Variants in PKN2 observed in about 807,000 individuals in gnomAD.
The protein encoded by PKN2 is protein kinase N2.
A neutral mutation model predicts 119.1 loss-of-function variants in PKN2; 38 were observed. The ratio of observed to expected loss-of-function variants is 0.32; its 90% CI spans 0.25 to 0.42. The LOEUF (loss-of-function observed/expected upper bound fraction) is 0.42, where lower values mean the gene tolerates loss of function less well. Ranked by LOEUF, PKN2 falls within the 10% of genes least tolerant of loss-of-function variation. The pLI, the probability that PKN2 is intolerant of heterozygous loss-of-function variation, is 1.00. For missense variants in PKN2, 850 were observed against 1,165.1 expected (o/e 0.73, Z 3.94); for synonymous variants, 390 against 384.9 (o/e 1.01, Z -0.15).
At chr1:88,768,044 T>TA (rs201168328) in intron 3 of PKN2, among the ~76,000 whole-genome samples, 9,476 of 152,262 alleles carry the variant, frequency 0.062, no homozygotes, top group African/African-American at 0.16. Context: ...GCTTAAATAA[T>TA]ATGCAAAGCT....
chr1:88,788,885 C>T (rs1356017872), intron 8 of PKN2, among the ~76,000 whole-genome samples: 2 of 152,166 alleles, frequency 1.3e-5, no homozygotes, highest in Non-Finnish European at 2.9e-5. Context: ...TTATAAAAAG[C>T]TTAATGAAGC....
At chr1:88,831,355 T>C (rs1672727702) in intron 19 of PKN2, among the ~76,000 whole-genome samples, 2 of 151,624 alleles carry the variant, frequency 1.3e-5, no homozygotes, top group African/African-American at 4.8e-5. Context: ...ACCAAAGTGC[T>C]GTCTTTGTAT....
intron 8 of PKN2, among the ~76,000 whole-genome samples, chr1:88,799,854 ACT>A (rs1671237708): frequency 6.6e-6 from 1 of 151,946 alleles, no homozygotes; most frequent in Admixed American, 6.6e-5. Flanking sequence ...CTTTAGTTAA[ACT>A]CTTTCAGTGT....
At chr1:88,718,314 C>T (rs1161614208) in intron 1 of PKN2, among the ~76,000 whole-genome samples, 1 of 152,206 alleles carries the variant, frequency 6.6e-6, no homozygotes, top group East Asian at 1.9e-4. Flanking sequence ...TCTCAGATCT[C>T]AAACTCCGTC....
rs9661883 is a variant in PKN2 at position 88,716,701 on chromosome 1, A to G, written c.49-24287A>G. ...GCCTATGTGTGTCTCTGTACATGAG[A>G]TGGGTCTCCTGAATACAGCACACTG... On this transcript the variant is annotated intron_variant, in intron 1 of 21. Transcript: ENST00000370521. 5.0e-3 allele frequency among the ~76,000 whole-genome samples: 764 copies of G among 151,944 alleles called. 2 individuals carry two copies. The highest frequency in any genetic ancestry group is 0.017 in the African/African-American group (719 of 41,408).
At position 88,807,796 on chromosome 1, in the gene PKN2, T is replaced by C. The variant is rs368735223; in HGVS notation, c.2102+21T>C. The stretch of plus-strand genomic sequence containing the variant: ...GACAGGTTAGTTTTTAAAAATGAAA[T>C]TGTTTATTTTTCTGAATTTGTAAGT... On this transcript the variant is annotated intron_variant, in intron 15 of 21. Transcript: ENST00000370521. 4.4e-6 allele frequency: 6 copies of C among 1,370,414 alleles called. No individual in the cohort carries two copies. The Admixed American group carries it at 8.4e-5, about 19-fold the overall frequency. The allele number at this position is 1,370,414 out of a possible 1,614,324, so 84.9% of individuals were successfully genotyped here.
In PKN2 at chr1:88,817,841, A is replaced by G. The variant is rs764487540; in HGVS notation, c.2280-4100A>G. 1.4e-4 allele frequency among the ~76,000 whole-genome samples: 21 copies of G among 152,176 alleles called. 1 individual carries two copies. The highest frequency in any genetic ancestry group is 1.1e-3 in the Admixed American group (17 of 15,278). On this transcript the variant is annotated intron_variant, in intron 16 of 21. Coordinates refer to ENST00000370521, the MANE Select transcript of PKN2 (RefSeq NM_006256.4). ...GCTATTTATGACAAACCCACAGCCA[A>G]TATTCAACATAGTATTGGAAGTTCT...
rs34210018 is a variant in PKN2, at chr1:88,751,377, T to TACAC, written c.350-8822_350-8819dup. ...TATACATACATTATATATTTACACA[T>TACAC]ACACACACACACACACACACACACA... On this transcript the variant is annotated intron_variant, in intron 2 of 21. Coordinates refer to ENST00000370521, the MANE Select transcript of PKN2 (RefSeq NM_006256.4). Among the ~76,000 whole-genome samples, 644 of 146,664 alleles carry TACAC rather than the reference T, an allele frequency of 4.4e-3. 3 individuals are homozygous for TACAC. The highest frequency in any genetic ancestry group is 0.014 in the African/African-American group (562 of 40,514).
rs563094855 is a variant in PKN2 at position 88,729,852 on chromosome 1, C to T, written c.49-11136C>T. ...CTATTATTTCTTAACACAGGTCAGA[C>T]TATATCATTTCTTTGCTGAAACCCT... On this transcript the variant is annotated intron_variant, in intron 1 of 21. Transcript: ENST00000370521. 2.7e-5 allele frequency among the ~76,000 whole-genome samples: 4 copies of T among 150,866 alleles called. No individual in the cohort carries two copies. The South Asian group carries it at 8.3e-4, about 31-fold the overall frequency.
chr1:88,819,488 G>A (rs1018217303), intron 16 of PKN2, among the ~76,000 whole-genome samples: 26 of 152,210 alleles, frequency 1.7e-4, no homozygotes, highest in Non-Finnish European at 2.9e-4. Context: ...CAGTTAGAAT[G>A]GCGATCATTA....
chr1:88,753,369 T>C (rs1669076548), intron 2 of PKN2, among the ~76,000 whole-genome samples: 1 of 152,220 alleles, frequency 6.6e-6, no homozygotes, highest in African/African-American at 2.4e-5. Context: ...CATTTTTAAA[T>C]TTTTAATAAG....
rs769520969 is a variant in PKN2 at position 88,741,185 on chromosome 1, A to G, written c.246A>G (p.Val82=). 1.2e-6 allele frequency: 2 copies of G among 1,604,186 alleles called. No individual in the cohort carries two copies. Among genetic ancestry groups the G allele is most frequent in the Non-Finnish European group, 1.7e-6 (2 of 1,177,154 alleles). Residue 82 remains valine (V), a synonymous_variant, in exon 2 of 22, where the codon GTA becomes GTG. Transcript: ENST00000370521. ...VTTDKKSLAY[V]DNILKKSNKK... ...CAGATAAAAAAAGTTTGGCTTATGT[A>G]GACAACATTTTGAAAAAATCAAATA...
chr1:88,786,057 T>C (rs1332414871), intron 7 of PKN2, 47 bp from the exon 8 acceptor site: 1 of 1,143,302 alleles, frequency 8.7e-7, no homozygotes, highest in Non-Finnish European at 1.3e-6. Context: ...TTCTGTTTTT[T>C]ATAAAGGTTT....
chr1:88,723,410 G>GCC (rs35424856), intron 1 of PKN2, among the ~76,000 whole-genome samples: 4,853 of 124,532 alleles, frequency 0.039, 138 homozygotes, highest in African/African-American at 0.05. Context: ...ACCGTGCCCT[G>GCC]CCCCCCCCCC....
chr1:88,768,865 C>T (rs1466121195), intron 3 of PKN2, among the ~76,000 whole-genome samples: 1 of 152,174 alleles, frequency 6.6e-6, no homozygotes, highest in East Asian at 1.9e-4. Flanking sequence ...ATGGTGCTGG[C>T]ATGTGCTTCT....
chr1:88,833,460 C>T lies in PKN2; in HGVS notation c.*12C>T. ...CTGATTGGTGTTAAGTTGCTAGACA[C>T]TGCGAAACCAAGCTGACTCACAAGA... On this transcript the variant is annotated 3_prime_UTR_variant, in exon 22 of 22. Transcript: ENST00000370521. 6.2e-7 allele frequency: 1 copy of T among 1,607,658 alleles called. No individual in the cohort carries two copies. The highest frequency in any genetic ancestry group is 8.5e-7 in the Non-Finnish European group (1 of 1,174,630).
chr1:88,696,809 A>C (rs1043591011), intron 1 of PKN2, among the ~76,000 whole-genome samples: 7 of 152,228 alleles, frequency 4.6e-5, no homozygotes, highest in African/African-American at 1.2e-4. Flanking sequence ...TCGATTATAG[A>C]ATAAAATATA....
intron 10 of PKN2, among the ~76,000 whole-genome samples, chr1:88,805,131 T>G (rs1671486193): frequency 6.6e-6 from 1 of 152,252 alleles, no homozygotes; most frequent in South Asian, 2.1e-4. Flanking sequence ...AATCAACTCA[T>G]GGCCAATTTT....
At chr1:88,735,610 C>CCA (rs1668313506) in intron 1 of PKN2, among the ~76,000 whole-genome samples, 1 of 91,262 alleles carries the variant, frequency 1.1e-5, no homozygotes, top group Non-Finnish European at 2.3e-5. Context: ...CCACCCCCCC[C>CCA]CCCCCCACCC....
Sources: allele counts gnomAD v4.1 joint callset (sites outside exome capture counted in the v4.1 genomes callset), GRCh38; gene constraint gnomAD v4.1.1; transcripts MANE v1.5; gene names NCBI Gene and HGNC (gene_info 2026-07-23, HGNC 2026-07-21).